NR1H4: variants seen among roughly 807,000 people sequenced by gnomAD.
NR1H4 encodes the protein nuclear receptor subfamily 1 group H member 4, also known as bile acid receptor.
In NR1H4, 23 loss-of-function variants were observed where a neutral mutation model predicts 58.5. That is an observed-to-expected ratio of 0.39 (90% confidence interval 0.28 to 0.56). The LOEUF is 0.56. Among genes scored for constraint, NR1H4 ranks in the 20% least tolerant of loss-of-function variants. The probability of loss-of-function intolerance (pLI) is 0.58; values close to 1 mark genes in which losing one functional copy is unlikely to be tolerated. For synonymous variants in NR1H4, 214 were observed against 198.0 expected (o/e 1.08, Z -0.68); for missense variants, 487 against 576.9 (o/e 0.84, Z 1.60).
chr12:100,497,147 G>A (rs999956519), intron 3 of NR1H4, among the ~76,000 whole-genome samples: 2 of 152,136 alleles, frequency 1.3e-5, no homozygotes, highest in Non-Finnish European at 2.9e-5. Flanking sequence ...ACAGAGAACT[G>A]TCAGCAGAGG....
chr12:100,526,825 G>A (rs553685651), intron 4 of NR1H4, among the ~76,000 whole-genome samples: 9 of 152,198 alleles, frequency 5.9e-5, no homozygotes, highest in African/African-American at 2.2e-4. Context: ...TACAAGCATT[G>A]CCCTTCACCT....
At chr12:100,547,967 G>A (rs1339704199) in intron 9 of NR1H4, among the ~76,000 whole-genome samples, 6 of 150,922 alleles carry the variant, frequency 4.0e-5, no homozygotes, top group South Asian at 4.2e-4. Flanking sequence ...TGATTCGCCC[G>A]CCTTGGCCTC....
At chr12:100,554,709 C>A (rs1476837744) in intron 9 of NR1H4, among the ~76,000 whole-genome samples, 6 of 152,058 alleles carry the variant, frequency 3.9e-5, no homozygotes, top group Admixed American at 3.9e-4. Context: ...CCCCTTGTGA[C>A]CAAAAATCAG....
At chr12:100,541,428 T>C (rs1296654045) in intron 9 of NR1H4, among the ~76,000 whole-genome samples, 1 of 151,792 alleles carries the variant, frequency 6.6e-6, no homozygotes, top group Non-Finnish European at 1.5e-5. Context: ...ATTATAGGCA[T>C]GTACTACCAC....
At chr12:100,543,772 G>T (rs1406027064) in intron 9 of NR1H4, among the ~76,000 whole-genome samples, 1 of 152,060 alleles carries the variant, frequency 6.6e-6, no homozygotes, top group South Asian at 2.1e-4. Flanking sequence ...GTTCAACTTA[G>T]GAAAGAATTA....
chr12:100,535,059 G>A (rs370514901), intron 6 of NR1H4, 36 bp downstream of exon 6: 139 of 1,613,514 alleles, frequency 8.6e-5, no homozygotes, highest in Non-Finnish European at 1.1e-4. Flanking sequence ...AAGACTGGCA[G>A]GAACTGAGTT....
chr12:100,513,589 G>T (rs144158855), intron 4 of NR1H4, among the ~76,000 whole-genome samples: 1 of 152,120 alleles, frequency 6.6e-6, no homozygotes, highest in African/African-American at 2.4e-5. Flanking sequence ...AAGGTCAGGA[G>T]TTCAAGACCA....
intron 9 of NR1H4, among the ~76,000 whole-genome samples, chr12:100,559,248 G>A (rs555883550): frequency 1.2e-4 from 18 of 152,334 alleles, no homozygotes; most frequent in Non-Finnish European, 2.1e-4. Flanking sequence ...CTTGCTCTCG[G>A]CACCTCCTCT....
intron 4 of NR1H4, among the ~76,000 whole-genome samples, chr12:100,512,181 C>T (rs966424159): frequency 2.6e-5 from 4 of 151,912 alleles, no homozygotes; most frequent in Admixed American, 6.6e-5. Context: ...TGCAGTGAGC[C>T]GTGATCATGC....
intron 4 of NR1H4, among the ~76,000 whole-genome samples, chr12:100,513,267 A>G (rs1276800003): frequency 1.3e-5 from 2 of 152,256 alleles, no homozygotes; most frequent in Non-Finnish European, 2.9e-5. Context: ...AACCATGTTC[A>G]TCACTGGTAC....
At chr12:100,530,152 G>T (rs975750621) in intron 4 of NR1H4, among the ~76,000 whole-genome samples, 44 of 152,286 alleles carry the variant, frequency 2.9e-4, no homozygotes, top group African/African-American at 9.9e-4. Flanking sequence ...CAGATAGTTG[G>T]TACTTAACAG....
chr12:100,535,040 G>A lies in NR1H4; in HGVS notation c.732+17G>A, dbSNP rs1954784005. 1.2e-6 allele frequency: 2 copies of A among 1,613,954 alleles called. No homozygotes were observed. The highest frequency in any genetic ancestry group is 2.7e-5 in the African/African-American group (2 of 74,924). On this transcript the variant is annotated intron_variant, in intron 6 of 10. Coordinates refer to ENST00000392986, the MANE Select transcript of NR1H4 (RefSeq NM_001206979.2). ...TCATGCAGGGTAATAATATGCAATG[G>A]TGTCTGCCAAGACTGGCAGGAACTG...
intron 1 of NR1H4, among the ~76,000 whole-genome samples, chr12:100,477,312 G>A (rs1426697944): frequency 2.0e-5 from 3 of 152,054 alleles, no homozygotes; most frequent in Non-Finnish European, 4.4e-5. Flanking sequence ...TTAGGATTAA[G>A]AAATATAACA....
chr12:100,523,499 G>T (rs75542991), intron 4 of NR1H4, among the ~76,000 whole-genome samples: 2,673 of 152,252 alleles, frequency 0.018, 63 homozygotes, highest in African/African-American at 0.055. Flanking sequence ...ATCCCATTCT[G>T]TGGGTTGTCT....
intron 9 of NR1H4, among the ~76,000 whole-genome samples, chr12:100,554,309 T>A (rs993870740): frequency 2.0e-5 from 3 of 152,154 alleles, no homozygotes; most frequent in African/African-American, 7.2e-5. Context: ...TCAGTCCATC[T>A]TGAGGACGTC....
intron 9 of NR1H4, among the ~76,000 whole-genome samples, chr12:100,541,044 T>C (rs1225075505): frequency 6.6e-6 from 1 of 152,204 alleles, no homozygotes; most frequent in Non-Finnish European, 1.5e-5. Flanking sequence ...TTTACTGCAC[T>C]AAGATGAAGA....
At chr12:100,526,854 T>G (rs1306506060) in intron 4 of NR1H4, among the ~76,000 whole-genome samples, 1 of 152,180 alleles carries the variant, frequency 6.6e-6, no homozygotes, top group Non-Finnish European at 1.5e-5. Flanking sequence ...TTTGAGATGA[T>G]GCAATATAAC....
At chr12:100,503,262 G>A (rs1953876775) in intron 3 of NR1H4, 1 of 1,266,718 alleles carries the variant, frequency 7.9e-7, no homozygotes, top group Admixed American at 2.7e-5. Context: ...TTGGCATTAA[G>A]AACTTTCCTC....
rs113884223 is a variant in NR1H4 at position 100,558,441 on chromosome 12, C to G, written c.1079-3444C>G. Among the ~76,000 whole-genome samples, 58 of 152,168 alleles carry G rather than the reference C, an allele frequency of 3.8e-4. 1 individual carries two copies. Among genetic ancestry groups the G allele is most frequent in the Admixed American group, 1.1e-3 (17 of 15,286 alleles). On this transcript the variant is annotated intron_variant, in intron 9 of 10. Coordinates refer to ENST00000392986, the MANE Select transcript of NR1H4 (RefSeq NM_001206979.2). Reference sequence around the variant, plus strand: ...TAGCACAATCACAGCTTACTGCAGCCTCAACCTCCAGGCTTAAGCGATCCT... The same window carrying G: ...TAGCACAATCACAGCTTACTGCAGCGTCAACCTCCAGGCTTAAGCGATCCT...
Sources: gnomAD v4.1 joint callset for allele counts (sites outside exome capture counted in the v4.1 genomes callset) on GRCh38, gnomAD v4.1.1 for gene constraint, MANE v1.5 for transcripts, NCBI Gene and HGNC (gene_info 2026-07-23, HGNC 2026-07-21) for gene names.